The following NR5A2 variants were observed in gnomAD, a reference collection of about 807,000 sequenced individuals.
NR5A2 encodes nuclear receptor subfamily 5 group A member 2.
Under a neutral mutation model 62.7 loss-of-function variants are expected in NR5A2, and 26 were observed. The observed-to-expected ratio is 0.41, with a 90% CI of 0.30 to 0.58. NR5A2 has a LOEUF of 0.58. NR5A2 is among the 20% of genes least tolerant of loss of function. The pLI, the probability that NR5A2 is intolerant of heterozygous loss-of-function variation, is 0.22. For missense variants in NR5A2, 541 were observed against 669.1 expected, an observed-to-expected ratio of 0.81 and a Z score of 2.11; for synonymous variants, 246 against 241.7, an observed-to-expected ratio of 1.02 and a Z score of -0.16.
chr1:200,126,263 CA>C (rs1268247856), intron 7 of NR5A2, among the ~76,000 whole-genome samples: 1 of 152,154 alleles, frequency 6.6e-6, no homozygotes, highest in African/African-American at 2.4e-5. Flanking sequence ...AGTCTGACCC[CA>C]AACAAAGTTG....
intron 5 of NR5A2, among the ~76,000 whole-genome samples, chr1:200,095,159 C>T (rs567610225): frequency 2.0e-5 from 3 of 151,898 alleles, no homozygotes; most frequent in Admixed American, 6.6e-5. Flanking sequence ...CACTGTTTCC[C>T]GGGCTGGAGT....
intron 7 of NR5A2, among the ~76,000 whole-genome samples, chr1:200,133,572 T>C (rs568219176): frequency 2.5e-4 from 34 of 137,272 alleles, no homozygotes; most frequent in African/African-American, 8.0e-4. Flanking sequence ...CATATATATA[T>C]ACACATATAT....
At chr1:200,060,654 A>G (rs1489994301) in intron 5 of NR5A2, among the ~76,000 whole-genome samples, 1 of 152,196 alleles carries the variant, frequency 6.6e-6, no homozygotes, top group Admixed American at 6.5e-5. Context: ...CCATGTATCC[A>G]CACAGTCCCA....
chr1:200,042,731 G>T (rs1427363079), intron 2 of NR5A2: 1 of 468,860 alleles, frequency 2.1e-6, no homozygotes, highest in Admixed American at 6.4e-5. Context: ...CCCGCGCCCC[G>T]CGCTCCCATA....
chr1:200,034,208 T>A (rs571177811), intron 1 of NR5A2, among the ~76,000 whole-genome samples: 30 of 152,308 alleles, frequency 2.0e-4, no homozygotes, highest in African/African-American at 7.0e-4. Context: ...TGTGGCCTAC[T>A]AGCGCCGGGA....
chr1:200,123,647 T>A (rs541032006), intron 7 of NR5A2, among the ~76,000 whole-genome samples: 1 of 152,282 alleles, frequency 6.6e-6, no homozygotes, highest in Admixed American at 6.5e-5. Context: ...GTGAATAACT[T>A]AAGTCGATTT....
At chr1:200,102,985 TG>T (rs1414529703) in intron 5 of NR5A2, among the ~76,000 whole-genome samples, 1 of 152,200 alleles carries the variant, frequency 6.6e-6, no homozygotes. Context: ...TTGGCTCTGC[TG>T]CTTATTTGCT....
At chr1:200,134,041 C>T (rs190666401) in intron 7 of NR5A2, among the ~76,000 whole-genome samples, 2 of 151,100 alleles carry the variant, frequency 1.3e-5, no homozygotes, top group East Asian at 1.9e-4. Flanking sequence ...AAAAGCTTAT[C>T]GAATAAGCAT....
At chr1:200,139,482 T>C (rs778584067) in intron 7 of NR5A2, among the ~76,000 whole-genome samples, 1 of 152,230 alleles carries the variant, frequency 6.6e-6, no homozygotes, top group Non-Finnish European at 1.5e-5. Flanking sequence ...AAGTGTTGTC[T>C]ATTTTAGTAG....
chr1:200,052,779 C>T (rs1425839556), intron 5 of NR5A2, among the ~76,000 whole-genome samples: 9 of 151,924 alleles, frequency 5.9e-5, no homozygotes, highest in South Asian at 2.1e-4. Context: ...GTAGCTGGGA[C>T]TACAGGTGCC....
chr1:200,109,357 T>G (rs2102289568), intron 5 of NR5A2, among the ~76,000 whole-genome samples: 1 of 152,330 alleles, frequency 6.6e-6, no homozygotes, highest in Middle Eastern at 3.4e-3. Context: ...TGTTAGTTGT[T>G]ATTTCTGCAT....
At chr1:200,100,255 A>G (rs1236506580) in intron 5 of NR5A2, among the ~76,000 whole-genome samples, 3 of 152,362 alleles carry the variant, frequency 2.0e-5, no homozygotes, top group East Asian at 1.9e-4. Context: ...TTTCTAGTTC[A>G]TGAACATTTT....
intron 7 of NR5A2, among the ~76,000 whole-genome samples, chr1:200,123,750 ATT>A (rs11397949): frequency 9.5e-5 from 5 of 52,778 alleles, no homozygotes; most frequent in Admixed American, 2.0e-4. Flanking sequence ...TACTTATTTA[ATT>A]TTTTTTTTTT....
At chr1:200,077,043 A>G (rs1219871709) in intron 5 of NR5A2, among the ~76,000 whole-genome samples, 1 of 152,260 alleles carries the variant, frequency 6.6e-6, no homozygotes, top group Non-Finnish European at 1.5e-5. Flanking sequence ...AAACCTAACA[A>G]GCGTTTAAGG....
chr1:200,156,903 A>T (rs1374833706), intron 7 of NR5A2, among the ~76,000 whole-genome samples: 1 of 152,152 alleles, frequency 6.6e-6, no homozygotes, highest in Non-Finnish European at 1.5e-5. Flanking sequence ...TTTTCAACTT[A>T]CGATGGGCTT....
chr1:200,143,767 G>A (rs749202348), intron 7 of NR5A2, among the ~76,000 whole-genome samples: 9 of 150,192 alleles, frequency 6.0e-5, no homozygotes, highest in South Asian at 2.1e-4. Flanking sequence ...TCAGCCTCCC[G>A]AGTAGCTGGG....
intron 5 of NR5A2, among the ~76,000 whole-genome samples, chr1:200,095,129 GAAA>G (rs5780009): frequency 0.32 from 47,991 of 147,900 alleles, 8,598 homozygotes; most frequent in East Asian, 0.53. Context: ...TTAATAAAAA[GAAA>G]AAAAAAAAAA....
chr1:200,172,182 T>C (rs958827268), intron 7 of NR5A2, among the ~76,000 whole-genome samples: 3 of 152,222 alleles, frequency 2.0e-5, no homozygotes, highest in African/African-American at 7.2e-5. Flanking sequence ...ATGTAGATTT[T>C]TCTATCATGT....
intron 5 of NR5A2, among the ~76,000 whole-genome samples, chr1:200,087,795 A>G (rs183155926): frequency 6.6e-6 from 1 of 151,152 alleles, no homozygotes; most frequent in East Asian, 2.0e-4. Flanking sequence ...TCTGTCTCCC[A>G]GGCTGGAGTG....
Sources: gnomAD v4.1 joint callset for allele counts (sites outside exome capture counted in the v4.1 genomes callset) on GRCh38, gnomAD v4.1.1 for gene constraint, MANE v1.5 for transcripts, NCBI Gene and HGNC (gene_info 2026-07-23, HGNC 2026-07-21) for gene names.